The following OTUD7A variants were observed in gnomAD, a reference collection of about 807,000 sequenced individuals.
OTUD7A encodes the protein OTU deubiquitinase 7A.
OTUD7A carries 12 observed loss-of-function variants against 65.7 expected under a neutral mutation model. The ratio of observed to expected loss-of-function variants is 0.18; its 90% CI spans 0.12 to 0.30. OTUD7A has a LOEUF of 0.30. Among genes scored for constraint, OTUD7A ranks in the 10% least tolerant of loss-of-function variants. The pLI is 1.00. For missense variants in OTUD7A, 1,148 were observed against 1,304.8 expected (o/e 0.88, Z 1.85); for synonymous variants, 641 against 586.3 (o/e 1.09, Z -1.35).
chr15:31,868,922 T>A (rs1265937309), intron 1 of OTUD7A, among the ~76,000 whole-genome samples: 1 of 152,206 alleles, frequency 6.6e-6, no homozygotes, highest in Non-Finnish European at 1.5e-5. Flanking sequence ...TTGAGTGGCA[T>A]ATGGTATTAA....
At chr15:31,641,278 C>T (rs962645984) in intron 3 of OTUD7A, among the ~76,000 whole-genome samples, 3 of 152,170 alleles carry the variant, frequency 2.0e-5, no homozygotes, top group Non-Finnish European at 4.4e-5. Flanking sequence ...TTTCCTGAGG[C>T]CTCCCCAGTA....
chr15:31,512,412 G>A (rs533959473), intron 8 of OTUD7A, among the ~76,000 whole-genome samples: 1 of 152,232 alleles, frequency 6.6e-6, no homozygotes, highest in South Asian at 2.1e-4. Context: ...TTGTTTCCTG[G>A]TGTCGTAAAG....
intron 3 of OTUD7A, among the ~76,000 whole-genome samples, chr15:31,594,432 T>C (rs1329210683): frequency 6.6e-6 from 1 of 152,168 alleles, no homozygotes; most frequent in African/African-American, 2.4e-5. Context: ...TTCTAGCTCT[T>C]TCCATCTTAT....
chr15:31,561,712 G>C (rs1237087635), intron 4 of OTUD7A, among the ~76,000 whole-genome samples: 2 of 151,918 alleles, frequency 1.3e-5, no homozygotes, highest in African/African-American at 2.4e-5. Flanking sequence ...AGAAATATAT[G>C]CTCCTAATTC....
intron 1 of OTUD7A, among the ~76,000 whole-genome samples, chr15:31,719,853 C>A (rs1409521025): frequency 6.6e-6 from 1 of 152,042 alleles, no homozygotes; most frequent in African/African-American, 2.4e-5. Context: ...CAGCACACTC[C>A]CTCTGGCTAC....
intron 1 of OTUD7A, among the ~76,000 whole-genome samples, chr15:31,742,723 C>A (rs1041766564): frequency 6.6e-6 from 1 of 151,940 alleles, no homozygotes; most frequent in African/African-American, 2.4e-5. Flanking sequence ...ACTTTATTTA[C>A]AGATACTCAC....
intron 1 of OTUD7A, among the ~76,000 whole-genome samples, chr15:31,743,330 ATAC>A (rs1420550188): frequency 6.6e-6 from 1 of 152,202 alleles, no homozygotes; most frequent in Non-Finnish European, 1.5e-5. Context: ...AAATATTTGG[ATAC>A]TAAATAACAT....
At position 31,548,861 on chromosome 15, in the gene OTUD7A, C is replaced by T. The variant is rs184448481; in HGVS notation, c.550+10108G>A. 2.2e-3 allele frequency among the ~76,000 whole-genome samples: 338 copies of T among 152,232 alleles called. 3 individuals carry two copies. Among genetic ancestry groups the T allele is most frequent in the African/African-American group, 7.8e-3 (322 of 41,540 alleles). On this transcript the variant is annotated intron_variant, in intron 5 of 12. Coordinates refer to ENST00000307050, the MANE Select transcript of OTUD7A (RefSeq NM_001382637.1). The stretch of plus-strand genomic sequence containing the variant: ...CATCAAGAGTAGAATTCTGGCTGGA[C>T]ACAGTGGCTCATGCCTATAATCCCA...
intron 3 of OTUD7A, among the ~76,000 whole-genome samples, chr15:31,632,980 G>A (rs1047449371): frequency 6.6e-6 from 1 of 152,218 alleles, no homozygotes; most frequent in African/African-American, 2.4e-5. Flanking sequence ...GAAAAGCACA[G>A]TATTCAGGTT....
chr15:31,633,448 T>C (rs904443988), intron 3 of OTUD7A, among the ~76,000 whole-genome samples: 13 of 152,226 alleles, frequency 8.5e-5, no homozygotes, highest in Admixed American at 7.8e-4. Flanking sequence ...TTGGTACCTA[T>C]TTTGAATGTA....
chr15:31,482,133 G>A lies in OTUD7A; in HGVS notation c.*1161C>T, dbSNP rs890255007. 10 of 152,112 alleles carry A rather than the reference G, an allele frequency of 6.6e-5. No individual in the cohort carries two copies. The highest frequency in any genetic ancestry group is 2.6e-4 in the Admixed American group (4 of 15,284). 9.4% of individuals were successfully genotyped at this position (152,112 alleles called of 1,614,324 possible). Reference sequence around the variant, plus strand: ...CACATTTTTTTTTTCCTCAAGAAATGTAGGAGGCACCAAAAAAGAGACCGC... The same window carrying A: ...CACATTTTTTTTTTCCTCAAGAAATATAGGAGGCACCAAAAAAGAGACCGC... On this transcript the variant is annotated 3_prime_UTR_variant, in exon 13 of 13. Transcript: ENST00000307050.
chr15:31,618,981 C>T (rs1370186465), intron 3 of OTUD7A, among the ~76,000 whole-genome samples: 3 of 152,184 alleles, frequency 2.0e-5, no homozygotes, highest in African/African-American at 7.2e-5. Flanking sequence ...CCAGTTTCAG[C>T]TTTCTACATA....
chr15:31,655,457 T>G (rs2141278304), intron 2 of OTUD7A: 1 of 410,944 alleles, frequency 2.4e-6, no homozygotes, highest in East Asian at 5.0e-5. Flanking sequence ...ATTTCATCCC[T>G]GTGTACATGC....
At chr15:31,545,124 C>G (rs1430704221) in intron 5 of OTUD7A, among the ~76,000 whole-genome samples, 3 of 151,936 alleles carry the variant, frequency 2.0e-5, no homozygotes, top group Non-Finnish European at 4.4e-5. Context: ...GTTGATGGAA[C>G]AGAACAGACC....
At position 31,481,895 on chromosome 15, in the gene OTUD7A, T is replaced by G. The variant is rs899010009; in HGVS notation, c.*1399A>C. On this transcript the variant is annotated 3_prime_UTR_variant, in exon 13 of 13. Coordinates refer to ENST00000307050, the MANE Select transcript of OTUD7A (RefSeq NM_001382637.1). ...CCAGGCGCTTTCTCCTGTCCTAGGA[T>G]TATTAGAAGCTATTCTAAGGCTCTC... 6.6e-6 allele frequency: 1 copy of G among 152,218 alleles called. No individual in the cohort carries two copies. The highest frequency in any genetic ancestry group is 1.9e-4 in the East Asian group (1 of 5,200). 9.4% of individuals were successfully genotyped at this position (152,218 alleles called of 1,614,324 possible). A position where few individuals can be genotyped will look rare whatever the true frequency, so the allele number is the denominator to read the frequency against.
intron 1 of OTUD7A, among the ~76,000 whole-genome samples, chr15:31,719,218 C>G (rs566707135): frequency 6.6e-6 from 1 of 152,290 alleles, no homozygotes; most frequent in South Asian, 2.1e-4. Flanking sequence ...GCTGGGATCA[C>G]AGGCGTGCAC....
chr15:31,775,367 T>G (rs1025883564), intron 1 of OTUD7A, among the ~76,000 whole-genome samples: 2 of 152,124 alleles, frequency 1.3e-5, no homozygotes, highest in African/African-American at 2.4e-5. Context: ...CACACATCAG[T>G]GGATGAAAAC....
chr15:31,592,962 TG>T (rs1889792086), intron 3 of OTUD7A, among the ~76,000 whole-genome samples: 1 of 104,978 alleles, frequency 9.5e-6, no homozygotes, highest in East Asian at 2.3e-4. Flanking sequence ...TATATATATA[TG>T]TATATATATA....
intron 1 of OTUD7A, among the ~76,000 whole-genome samples, chr15:31,806,943 C>G (rs1567033595): frequency 6.6e-6 from 1 of 152,186 alleles, no homozygotes; most frequent in Non-Finnish European, 1.5e-5. Context: ...TAAGCCATCA[C>G]CTGACGTCCT....
Sources: allele counts gnomAD v4.1 joint callset (sites outside exome capture counted in the v4.1 genomes callset), GRCh38; gene constraint gnomAD v4.1.1; transcripts MANE v1.5; gene names NCBI Gene and HGNC (gene_info 2026-07-23, HGNC 2026-07-21).